The following VPS35 variants were observed in gnomAD, a reference collection of about 807,000 sequenced individuals.
The protein encoded by VPS35 is VPS35 retromer complex component, also known as vacuolar protein sorting-associated protein 35.
A neutral mutation model predicts 98.1 loss-of-function variants in VPS35; 21 were observed. The ratio of observed to expected loss-of-function variants is 0.21; its 90% confidence interval spans 0.15 to 0.31. The LOEUF (loss-of-function observed/expected upper bound fraction) is 0.31. Ranked by LOEUF, VPS35 falls within the 10% of genes least tolerant of loss-of-function variation. VPS35 has a pLI of 1.00. For missense variants in VPS35, 554 were observed against 950.8 expected (o/e 0.58, Z 5.49); for synonymous variants, 268 against 318.2 (o/e 0.84, Z 1.68).
chr16:46,677,026 A>C (rs538056979), intron 7 of VPS35, among the ~76,000 whole-genome samples: 16 of 152,124 alleles, frequency 1.1e-4, no homozygotes, highest in Non-Finnish European at 2.1e-4. Flanking sequence ...TAGAAGAAGC[A>C]AGATTACATG....
In VPS35 at chr16:46,658,349, T is replaced by C. The variant is rs1234282378; in HGVS notation, c.*2123A>G. The stretch of plus-strand genomic sequence containing the variant: ...CACAGCAGACTAACGTTCTTGAAGC[T>C]AGAGGCTATGATCTTCTTCACCTTT... On this transcript the variant is annotated 3_prime_UTR_variant, in exon 17 of 17. Transcript: ENST00000299138. 1 of 153,808 alleles carries C rather than the reference T, an allele frequency of 6.5e-6. No individual in the cohort carries two copies. Among genetic ancestry groups the C allele is most frequent in the Non-Finnish European group, 1.5e-5 (1 of 68,052 alleles). The allele number at this position is 153,808 out of a possible 1,614,324, so 9.5% of individuals were successfully genotyped here.
chr16:46,668,602 C>T (rs1293284141), intron 13 of VPS35, among the ~76,000 whole-genome samples: 2 of 152,114 alleles, frequency 1.3e-5, no homozygotes, highest in East Asian at 3.9e-4. Flanking sequence ...TAGAGAGAAA[C>T]GACTGCAATG....
At chr16:46,666,869 C>T (rs1156752709) in intron 13 of VPS35, among the ~76,000 whole-genome samples, 2 of 152,182 alleles carry the variant, frequency 1.3e-5, no homozygotes, top group African/African-American at 4.8e-5. Flanking sequence ...ACTCATCTAT[C>T]GATGGACACT....
At chr16:46,668,442 A>G (rs1966020098) in intron 13 of VPS35, among the ~76,000 whole-genome samples, 1 of 152,160 alleles carries the variant, frequency 6.6e-6, no homozygotes, top group Admixed American at 6.6e-5. Context: ...GTTCCTTAAC[A>G]TTAACCTGAA....
chr16:46,684,823 T>C (rs1206595808), intron 1 of VPS35, among the ~76,000 whole-genome samples: 2 of 152,194 alleles, frequency 1.3e-5, no homozygotes, highest in African/African-American at 4.8e-5. Context: ...AATAAACAAG[T>C]TGTGGTATAT....
At chr16:46,667,111 ACATC>A (rs1343332528) in intron 13 of VPS35, among the ~76,000 whole-genome samples, 2 of 152,304 alleles carry the variant, frequency 1.3e-5, no homozygotes, top group South Asian at 2.1e-4. Context: ...CCATTTCTCT[ACATC>A]CTTGCCAACA....
At chr16:46,679,886 A>T (rs1451047457) in intron 5 of VPS35, among the ~76,000 whole-genome samples, 1 of 152,186 alleles carries the variant, frequency 6.6e-6, no homozygotes, top group African/African-American at 2.4e-5. Flanking sequence ...CAGATATATT[A>T]AAAAACATTA....
intron 13 of VPS35, among the ~76,000 whole-genome samples, chr16:46,663,584 TG>T (rs1965944574): frequency 6.6e-6 from 1 of 151,698 alleles, no homozygotes; most frequent in Non-Finnish European, 1.5e-5. Context: ...TTTCACCAAG[TG>T]GGGCGGGGTT....
At chr16:46,674,511 G>A (rs750731767) in intron 9 of VPS35, 49 bp from the exon 10 acceptor site, 12 of 1,605,280 alleles carry the variant, frequency 7.5e-6, no homozygotes, top group Non-Finnish European at 9.4e-6. Context: ...ATTGTAAAAG[G>A]AAGGCAGAGA....
rs66944877 is a variant in VPS35, at chr16:46,684,234, CA to C, written c.4-629del. 6.3e-3 allele frequency among the ~76,000 whole-genome samples: 963 copies of C among 152,266 alleles called. 11 individuals carry two copies. Among genetic ancestry groups the C allele is most frequent in the African/African-American group, 0.022 (917 of 41,558 alleles). On this transcript the variant is annotated intron_variant, in intron 1 of 16. Coordinates refer to ENST00000299138, the MANE Select transcript of VPS35 (RefSeq NM_018206.6). ...TCCAACCCAGACATAGCCATCTGAC[CA>C]ATCGAAATCTTGTGATAGGTATAGC...
At chr16:46,664,525 CTT>C (rs529630190) in intron 13 of VPS35, among the ~76,000 whole-genome samples, 5 of 142,756 alleles carry the variant, frequency 3.5e-5, no homozygotes, top group Non-Finnish European at 1.5e-5. Context: ...CTTTTCTTTT[CTT>C]TTTTTTTTTT....
intron 1 of VPS35, 172 bp downstream of exon 1, chr16:46,688,959 C>A: frequency 6.7e-7 from 1 of 1,503,472 alleles, no homozygotes; most frequent in Non-Finnish European, 8.9e-7. Flanking sequence ...CCGGATCAGC[C>A]TGCCCGCGGC....
At chr16:46,676,785 T>C (rs1966158851) in intron 7 of VPS35, 93 bp from the exon 8 acceptor site, 1 of 864,336 alleles carries the variant, frequency 1.2e-6, no homozygotes, top group Non-Finnish European at 1.9e-6. Context: ...AAAAAAACAC[T>C]GTATTCTTAT....
chr16:46,672,305 T>C lies in VPS35; in HGVS notation c.1328A>G (p.Asn443Ser), dbSNP rs1966080993. 17 of 1,613,696 alleles carry C rather than the reference T, an allele frequency of 1.1e-5. No individual in the cohort carries two copies. The highest frequency in any genetic ancestry group is 1.4e-5 in the Non-Finnish European group (16 of 1,179,870). Residue 443 changes from asparagine to serine, a missense_variant, in exon 11 of 17, where the codon AAT (asparagine) becomes AGT (serine). Physicochemically the swap from Asn to Ser is conservative, Grantham distance 46. Transcript: ENST00000299138. ...AATTTCTGTGTTATAATCCAGAACA[T>C]TACTAAGCACATAACAACTCATGCT... ...RKSMSCYVLSNVLDYNTEIVS... is the reference protein window; with the variant it reads ...RKSMSCYVLSSVLDYNTEIVS...
intron 13 of VPS35, among the ~76,000 whole-genome samples, chr16:46,664,399 C>T (rs1280151730): frequency 6.6e-6 from 1 of 152,070 alleles, no homozygotes; most frequent in Non-Finnish European, 1.5e-5. Flanking sequence ...TCAAGTGATC[C>T]ACCCATCTCA....
At chr16:46,684,077 A>C (rs1430953973) in intron 1 of VPS35, among the ~76,000 whole-genome samples, 1 of 152,150 alleles carries the variant, frequency 6.6e-6, no homozygotes, top group East Asian at 1.9e-4. Flanking sequence ...CTTATCGCTG[A>C]AGTTAACAGA....
At chr16:46,672,542 C>T (rs183971771) in intron 10 of VPS35, 70 bp from the exon 11 acceptor site, 133 of 1,399,300 alleles carry the variant, frequency 9.5e-5, no homozygotes, top group Non-Finnish European at 1.2e-4. Flanking sequence ...GCATTTGTTC[C>T]ATAAGAATTT....
chr16:46,671,692 G>C lies in VPS35; in HGVS notation c.1524+13C>G. The stretch of plus-strand genomic sequence containing the variant: ...GGAGCTGATACAGGGATATACTAAG[G>C]GTAAACTCATACCAAGTACTGCTGG... On this transcript the variant is annotated intron_variant, in intron 12 of 16. Transcript: ENST00000299138. The C allele has an allele frequency of 6.2e-7, 1 of 1,614,012 alleles. No individual in the cohort carries two copies. Among genetic ancestry groups the C allele is most frequent in the Non-Finnish European group, 8.5e-7 (1 of 1,179,934 alleles).
intron 13 of VPS35, among the ~76,000 whole-genome samples, chr16:46,663,945 G>A (rs1290575825): frequency 4.2e-5 from 5 of 119,196 alleles, no homozygotes; most frequent in African/African-American, 1.3e-4. Context: ...TACTGGCCCC[G>A]AGCAAACCTC....
Sources: gnomAD v4.1 joint callset for allele counts (sites outside exome capture counted in the v4.1 genomes callset) on GRCh38, gnomAD v4.1.1 for gene constraint, MANE v1.5 for transcripts, NCBI Gene and HGNC (gene_info 2026-07-23, HGNC 2026-07-21) for gene names.